The following EPHB1 variants were observed in gnomAD, a reference collection of about 807,000 sequenced individuals.
EPHB1 encodes EPH receptor B1, also known as ephrin type-B receptor 1.
EPHB1 carries 30 observed loss-of-function variants against 94.4 expected under a neutral mutation model. The observed-to-expected ratio is 0.32, with a 90% confidence interval of 0.24 to 0.43. The LOEUF (loss-of-function observed/expected upper bound fraction) is 0.43. Among genes scored for constraint, EPHB1 ranks in the 20% least tolerant of loss-of-function variants. EPHB1 has a pLI of 1.00. For missense variants in EPHB1, 1,055 were observed against 1,308.3 expected (o/e 0.81, Z 2.99); for synonymous variants, 522 against 489.1 (o/e 1.07, Z -0.89).
intron 1 of EPHB1, among the ~76,000 whole-genome samples, chr3:134,812,139 T>C (rs575599390): frequency 6.6e-6 from 1 of 152,346 alleles, no homozygotes; most frequent in Admixed American, 6.5e-5. Context: ...TAGGCTTTCT[T>C]GAAGCATAAT....
At chr3:134,955,977 G>T (rs1471676006) in intron 3 of EPHB1, among the ~76,000 whole-genome samples, 1 of 151,666 alleles carries the variant, frequency 6.6e-6, no homozygotes. Context: ...GTCCCATGCA[G>T]CCTGGCTCTT....
intron 3 of EPHB1, among the ~76,000 whole-genome samples, chr3:135,034,517 G>A (rs1479366275): frequency 2.0e-5 from 3 of 152,250 alleles, no homozygotes; most frequent in African/African-American, 7.2e-5. Flanking sequence ...TGAGAGGCAG[G>A]TGCTGTCTGC....
chr3:134,950,607 T>C (rs1048339223), intron 2 of EPHB1, among the ~76,000 whole-genome samples: 2 of 152,126 alleles, frequency 1.3e-5, no homozygotes, highest in African/African-American at 4.8e-5. Context: ...TGGTGAGAGA[T>C]GGAGCAAGAG....
At chr3:135,186,265 T>G (rs1442733537) in intron 10 of EPHB1, among the ~76,000 whole-genome samples, 1 of 152,224 alleles carries the variant, frequency 6.6e-6, no homozygotes, top group Non-Finnish European at 1.5e-5. Flanking sequence ...CCATCTCATG[T>G]GCCAACTCAG....
chr3:134,822,363 T>G (rs962732732), intron 1 of EPHB1, among the ~76,000 whole-genome samples: 1 of 152,136 alleles, frequency 6.6e-6, no homozygotes, highest in African/African-American at 2.4e-5. Flanking sequence ...TCAACTCCCG[T>G]GATCAACCAC....
chr3:134,987,607 A>T (rs6439542), intron 3 of EPHB1, among the ~76,000 whole-genome samples: 44,209 of 151,832 alleles, frequency 0.29, 6,943 homozygotes, highest in Middle Eastern at 0.47. Flanking sequence ...AAAATGCAAA[A>T]AATAATAATA....
intron 1 of EPHB1, among the ~76,000 whole-genome samples, chr3:134,879,889 G>C (rs1037427156): frequency 1.3e-5 from 2 of 152,064 alleles, no homozygotes; most frequent in Non-Finnish European, 2.9e-5. Flanking sequence ...AAGAAAGTCA[G>C]AGAAATAAAA....
chr3:135,157,025 T>G (rs1045914156), intron 6 of EPHB1, among the ~76,000 whole-genome samples: 5 of 152,200 alleles, frequency 3.3e-5, no homozygotes, highest in Admixed American at 3.3e-4. Flanking sequence ...GCCAGGGGTT[T>G]TATAAACATT....
chr3:135,162,227 G>T, intron 7 of EPHB1, 47 bp downstream of exon 7: 1 of 1,507,872 alleles, frequency 6.6e-7, no homozygotes, highest in South Asian at 1.3e-5. Context: ...CAGGCAGTGT[G>T]GGAGAAAAAG....
intron 3 of EPHB1, among the ~76,000 whole-genome samples, chr3:134,974,113 C>T (rs1209379383): frequency 1.3e-5 from 2 of 152,160 alleles, no homozygotes; most frequent in African/African-American, 4.8e-5. Context: ...TTTATCCAGT[C>T]ACAGTGGTCT....
intron 12 of EPHB1, among the ~76,000 whole-genome samples, chr3:135,234,206 T>A (rs181874298): frequency 6.6e-6 from 1 of 152,316 alleles, no homozygotes; most frequent in East Asian, 1.9e-4. Flanking sequence ...TTCTGCCAGA[T>A]TCCCCAAATA....
At chr3:135,063,310 A>G (rs1016965667) in intron 3 of EPHB1, among the ~76,000 whole-genome samples, 2 of 152,120 alleles carry the variant, frequency 1.3e-5, no homozygotes, top group African/African-American at 4.8e-5. Context: ...GATTCTTCCC[A>G]TCCATGAGCA....
rs1369940583 is a variant in EPHB1 at position 134,951,837 on chromosome 3, C to T, written c.590C>T (p.Pro197Leu). Residue 197 changes from proline (P) to leucine (L), a missense_variant, in exon 3 of 16, where the codon CCC (proline) becomes CTC (leucine). By Grantham distance (98) the Pro-to-Leu change is moderately conservative. Coordinates refer to ENST00000398015, the MANE Select transcript of EPHB1 (RefSeq NM_004441.5). The surrounding 1 kb of genome is among the most constrained non-coding windows in gnomAD (Gnocchi z 4.5). ...GTCCGTGTCTTCTTCAAAAAGTGTC[C>T]CAGCATTGTGCAAAATTTTGCAGTG... ...LSVRVFFKKC[P>L]SIVQNFAVFP... 3 of 1,613,988 alleles carry T rather than the reference C, an allele frequency of 1.9e-6. No individual in the cohort carries two copies. The highest frequency in any genetic ancestry group is 2.5e-6 in the Non-Finnish European group (3 of 1,179,890).
chr3:134,880,929 T>C (rs2037718692), intron 1 of EPHB1, among the ~76,000 whole-genome samples: 1 of 152,264 alleles, frequency 6.6e-6, no homozygotes, highest in South Asian at 2.1e-4. Context: ...GAGAATTACA[T>C]GGCCAAGGGT....
intron 3 of EPHB1, among the ~76,000 whole-genome samples, chr3:135,001,959 A>G (rs1328927737): frequency 6.6e-6 from 1 of 152,236 alleles, no homozygotes; most frequent in Non-Finnish European, 1.5e-5. Flanking sequence ...ACTTGAACAT[A>G]TCATTTGTAC....
rs182578886 is a variant in EPHB1 at position 135,256,374 on chromosome 3, A to G, written c.2847-2638A>G. Among the ~76,000 whole-genome samples, 859 of 152,118 alleles carry G rather than the reference A, an allele frequency of 5.6e-3. 11 individuals carry two copies. The highest frequency in any genetic ancestry group is 0.025 in the South Asian group (120 of 4,816). On this transcript the variant is annotated intron_variant, in intron 15 of 15. Coordinates refer to ENST00000398015, the MANE Select transcript of EPHB1 (RefSeq NM_004441.5). ...GCTGGTACTGGTTGTTCCTTTCCATATTTAGCGCTTCCTTCAGGAGCTCTT... is the reference window on the plus strand; with the variant it reads ...GCTGGTACTGGTTGTTCCTTTCCATGTTTAGCGCTTCCTTCAGGAGCTCTT...
chr3:135,172,391 G>A (rs968486716), intron 9 of EPHB1, among the ~76,000 whole-genome samples: 1 of 152,252 alleles, frequency 6.6e-6, no homozygotes, highest in Admixed American at 6.5e-5. Flanking sequence ...CAAAGAGACA[G>A]TCTGCCTTGC....
intron 3 of EPHB1, among the ~76,000 whole-genome samples, chr3:135,032,366 T>C (rs934640580): frequency 6.6e-6 from 1 of 152,186 alleles, no homozygotes; most frequent in Non-Finnish European, 1.5e-5. Context: ...TTATTTTTAT[T>C]TCCTAAGACA....
At chr3:134,970,538 T>C (rs1359606877) in intron 3 of EPHB1, among the ~76,000 whole-genome samples, 3 of 152,220 alleles carry the variant, frequency 2.0e-5, no homozygotes, top group African/African-American at 7.2e-5. Flanking sequence ...ATGTGTATTG[T>C]CTGTCTCTCC....
Sources: allele counts gnomAD v4.1 joint callset (sites outside exome capture counted in the v4.1 genomes callset), GRCh38; gene constraint gnomAD v4.1.1; non-coding constraint Gnocchi (gnomAD v3.1); transcripts MANE v1.5; gene names NCBI Gene and HGNC (gene_info 2026-07-23, HGNC 2026-07-21).